The following PRKAR1A variants were observed in gnomAD, a reference collection of about 807,000 sequenced individuals.
PRKAR1A encodes cAMP-dependent protein kinase type I-alpha regulatory subunit.
In PRKAR1A, 3 loss-of-function variants were observed where a neutral mutation model predicts 52.0. The ratio of observed to expected loss-of-function variants is 0.06; its 90% CI spans 0.03 to 0.15. The LOEUF is 0.15. Ranked by LOEUF, PRKAR1A falls within the 10% of genes least tolerant of loss-of-function variation. The pLI is 1.00. For missense variants in PRKAR1A, 240 were observed against 477.4 expected (o/e 0.50, Z 4.63); for synonymous variants, 188 against 168.4 (o/e 1.12, Z -0.90).
chr17:68,526,867 G>A (rs1309412790), intron 7 of PRKAR1A, among the ~76,000 whole-genome samples: 1 of 152,156 alleles, frequency 6.6e-6, no homozygotes, highest in African/African-American at 2.4e-5. Flanking sequence ...AAACCCCTGT[G>A]ACACCCAGTT....
At chr17:68,518,752 G>A (rs1475010294) in intron 2 of PRKAR1A, among the ~76,000 whole-genome samples, 5 of 152,150 alleles carry the variant, frequency 3.3e-5, no homozygotes, top group Admixed American at 2.0e-4. Context: ...GAATTTCTGC[G>A]GCAGGCTTGA....
chr17:68,505,981 A>G, the PRKAR1A span, among the ~76,000 whole-genome samples: 1 of 152,222 alleles, frequency 6.6e-6, no homozygotes, highest in African/African-American at 2.4e-5. Flanking sequence ...TAGAATTGCT[A>G]AAACCAAAAG....
chr17:68,525,087 T>G, intron 6 of PRKAR1A, 129 bp downstream of exon 6: 1 of 764,606 alleles, frequency 1.3e-6, no homozygotes, highest in Non-Finnish European at 2.2e-6. Context: ...TAATACCTTT[T>G]GCCAAGTATT....
At chr17:68,487,818 A>G in the PRKAR1A span, among the ~76,000 whole-genome samples, 1 of 151,926 alleles carries the variant, frequency 6.6e-6, no homozygotes, top group Admixed American at 6.6e-5. Context: ...AAAAAAAAGA[A>G]AAAAGAAAAA....
chr17:68,444,412 A>G, the PRKAR1A span: 1 of 1,346,336 alleles, frequency 7.4e-7, no homozygotes, highest in East Asian at 2.3e-5. Context: ...TCACGTTCGC[A>G]ATTTGGAGGA....
At chr17:68,495,859 A>G in the PRKAR1A span, among the ~76,000 whole-genome samples, 1 of 149,852 alleles carries the variant, frequency 6.7e-6, no homozygotes, top group Non-Finnish European at 1.5e-5. Flanking sequence ...GCTCTGGGGG[A>G]GAATCTGTTT....
At chr17:68,518,607 G>C (rs1390172955) in intron 2 of PRKAR1A, among the ~76,000 whole-genome samples, 1 of 152,230 alleles carries the variant, frequency 6.6e-6, no homozygotes, top group Non-Finnish European at 1.5e-5. Context: ...CCAGGGCATG[G>C]CCTAGGAAAC....
chr17:68,539,990 C>T, intron 11 of PRKAR1A: 1 of 1,609,608 alleles, frequency 6.2e-7, no homozygotes, highest in East Asian at 2.2e-5. Context: ...GAGGACTTAG[C>T]TGGAACCAGC....
the PRKAR1A span, among the ~76,000 whole-genome samples, chr17:68,430,546 G>T: frequency 6.6e-6 from 1 of 152,194 alleles, no homozygotes; most frequent in Non-Finnish European, 1.5e-5. Flanking sequence ...GCTCATGGAA[G>T]AACAGACAGA....
chr17:68,515,135 TTCC>T (rs2085389569), intron 1 of PRKAR1A: 1 of 488,570 alleles, frequency 2.0e-6, no homozygotes, highest in Non-Finnish European at 3.7e-6. Context: ...TGGCTCATAC[TTCC>T]TCCCAGGAGC....
At chr17:68,433,760 G>GTT in the PRKAR1A span, among the ~76,000 whole-genome samples, 169 of 72,814 alleles carry the variant, frequency 2.3e-3, 24 homozygotes, top group East Asian at 6.6e-3. Context: ...AAGGGTCATA[G>GTT]TTTTTTTTTT....
At chr17:68,423,872 C>T in the PRKAR1A span, among the ~76,000 whole-genome samples, 4 of 152,120 alleles carry the variant, frequency 2.6e-5, no homozygotes, top group African/African-American at 7.2e-5. This position sits in a 1 kb window ranked among gnomAD's most constrained non-coding sequence, Gnocchi z 4.4. Flanking sequence ...AGGCTTACTG[C>T]GATTACAATT....
the PRKAR1A span, among the ~76,000 whole-genome samples, chr17:68,453,941 A>G: frequency 6.6e-6 from 1 of 152,202 alleles, no homozygotes; most frequent in Non-Finnish European, 1.5e-5. Flanking sequence ...TTGAAGTTCA[A>G]GTATTCTAAT....
At chr17:68,545,793 G>A (rs2086527362) in intron 11 of PRKAR1A, among the ~76,000 whole-genome samples, 2 of 152,114 alleles carry the variant, frequency 1.3e-5, no homozygotes, top group South Asian at 4.1e-4. Context: ...ATCCTCTGTG[G>A]CCATCTCAAC....
At chr17:68,535,963 A>G (rs1348951364), downstream of PRKAR1A, 2 of 454,006 alleles carry the variant, frequency 4.4e-6, no homozygotes, top group African/African-American at 2.0e-5. Flanking sequence ...TTCCATGCAC[A>G]TTGGAGGATG....
the PRKAR1A span, among the ~76,000 whole-genome samples, chr17:68,471,932 C>G: frequency 5.8e-4 from 88 of 152,234 alleles, 1 homozygote; most frequent in African/African-American, 2.0e-3. Flanking sequence ...TCCCGAGTAG[C>G]TGGGATTACA....
the PRKAR1A span, among the ~76,000 whole-genome samples, chr17:68,500,566 T>G: frequency 6.6e-6 from 1 of 150,864 alleles, no homozygotes; most frequent in African/African-American, 2.4e-5. Flanking sequence ...CAGGCTGGAG[T>G]GCAATGGCGC....
chr17:68,542,824 G>C, intron 11 of PRKAR1A: 2 of 1,587,262 alleles, frequency 1.3e-6, no homozygotes, highest in Non-Finnish European at 1.7e-6. Flanking sequence ...AAGAGAGGAA[G>C]CTCTGTTCCA....
At chr17:68,529,805 A>G in intron 9 of PRKAR1A, 115 bp from the exon 10 acceptor site, 1 of 1,019,636 alleles carries the variant, frequency 9.8e-7, no homozygotes, top group Non-Finnish European at 1.6e-6. Context: ...CTTTAAAGTC[A>G]TTTTTTATCA....
Sources: gnomAD v4.1 joint callset for allele counts (sites outside exome capture counted in the v4.1 genomes callset) on GRCh38, gnomAD v4.1.1 for gene constraint, Gnocchi (gnomAD v3.1) non-coding constraint, MANE v1.5 for transcripts, NCBI Gene and HGNC (gene_info 2026-07-23, HGNC 2026-07-21) for gene names.